Variants in MYO3B observed in about 807,000 individuals in gnomAD.
The protein encoded by MYO3B is myosin-IIIb.
A neutral mutation model predicts 174.6 loss-of-function variants in MYO3B; 156 were observed. The observed-to-expected ratio is 0.89, with a 90% CI of 0.78 to 1.02. MYO3B has a LOEUF of 1.02. MYO3B is among the 50% of genes least tolerant of loss of function. The pLI is 0.00. For synonymous variants in MYO3B, 563 were observed against 569.1 expected (o/e 0.99, Z 0.15); for missense variants, 1,632 against 1,639.4 (o/e 1.00, Z 0.08).
chr2:170,393,106 C>T (rs1415214926), intron 16 of MYO3B, among the ~76,000 whole-genome samples: 1 of 135,396 alleles, frequency 7.4e-6, no homozygotes. Flanking sequence ...TTTTTTGAGA[C>T]AGAATCTTAC....
chr2:170,509,506 A>T (rs1291268939), intron 28 of MYO3B, among the ~76,000 whole-genome samples: 1 of 152,248 alleles, frequency 6.6e-6, no homozygotes, highest in Admixed American at 6.5e-5. Flanking sequence ...CGTCTTGTTT[A>T]TTTGACAGGG....
At chr2:170,517,989 T>TTGTGTGTG (rs10606302) in intron 29 of MYO3B, among the ~76,000 whole-genome samples, 33 of 149,512 alleles carry the variant, frequency 2.2e-4, no homozygotes, top group African/African-American at 6.4e-4. Flanking sequence ...GCCATAATGT[T>TTGTGTGTG]TGTGTGTGTG....
At chr2:170,462,814 T>A (rs2105957765) in intron 23 of MYO3B, among the ~76,000 whole-genome samples, 1 of 152,340 alleles carries the variant, frequency 6.6e-6, no homozygotes, top group Middle Eastern at 3.4e-3. Context: ...GGATAGATAT[T>A]GAGAACAGGT....
At chr2:170,630,660 C>T (rs1696877474) in intron 32 of MYO3B, among the ~76,000 whole-genome samples, 1 of 152,212 alleles carries the variant, frequency 6.6e-6, no homozygotes, top group Admixed American at 6.5e-5. Flanking sequence ...GGCCGACTGA[C>T]ACCTCATACA....
At chr2:170,456,041 T>C (rs181752970) in intron 23 of MYO3B, among the ~76,000 whole-genome samples, 1 of 152,082 alleles carries the variant, frequency 6.6e-6, no homozygotes, top group East Asian at 1.9e-4. Context: ...AGAAAATGCA[T>C]ACAGATGTAT....
rs36000141 is a variant in MYO3B, at chr2:170,460,487, CAAAAA to C, written c.2731-2862_2731-2858del. Among the ~76,000 whole-genome samples, 9 of 73,682 alleles carry C rather than the reference CAAAAA, an allele frequency of 1.2e-4. 1 individual carries two copies. The highest frequency in any genetic ancestry group is 2.9e-4 in the African/African-American group (5 of 17,128). The allele number at this position is 73,682 out of a possible 152,430, so 48.3% of individuals were successfully genotyped here. On this transcript the variant is annotated intron_variant, in intron 23 of 34. Coordinates refer to ENST00000408978, the MANE Select transcript of MYO3B (RefSeq NM_138995.5). ...TAGGTGACAGAGTAAGACTCCGTCT[CAAAAA>C]AAAAAAAAAAAAAAAAAAGACATAT...
At chr2:170,530,257 G>C (rs969205680) in intron 30 of MYO3B, among the ~76,000 whole-genome samples, 1 of 152,154 alleles carries the variant, frequency 6.6e-6, no homozygotes, top group Non-Finnish European at 1.5e-5. Flanking sequence ...TGCTGTGCTT[G>C]GGAAATTAGA....
At chr2:170,228,564 G>T (rs947465954) in intron 6 of MYO3B, among the ~76,000 whole-genome samples, 1 of 152,202 alleles carries the variant, frequency 6.6e-6, no homozygotes, top group Admixed American at 6.5e-5. Context: ...AAGAATAAAT[G>T]ATCTGTTCCC....
At chr2:170,576,730 A>C (rs189952048) in intron 32 of MYO3B, among the ~76,000 whole-genome samples, 37 of 152,350 alleles carry the variant, frequency 2.4e-4, no homozygotes, top group African/African-American at 7.5e-4. Context: ...AATGGTCACA[A>C]AGCAATAGTT....
intron 32 of MYO3B, among the ~76,000 whole-genome samples, chr2:170,618,668 C>T (rs1695623733): frequency 6.6e-6 from 1 of 152,030 alleles, no homozygotes; most frequent in African/African-American, 2.4e-5. Flanking sequence ...CTTCTGGTCC[C>T]ATGGTGCCAA....
At chr2:170,620,920 G>A (rs1188283237) in intron 32 of MYO3B, among the ~76,000 whole-genome samples, 1 of 151,912 alleles carries the variant, frequency 6.6e-6, no homozygotes, top group African/African-American at 2.4e-5. Flanking sequence ...TTGGAGTCTT[G>A]CTCTGTCACC....
Position 170,236,171 on chromosome 2 carries a change from T to G in MYO3B, c.749+35T>G, listed in dbSNP as rs531629122. 567 of 1,613,776 alleles carry G rather than the reference T, an allele frequency of 3.5e-4. 7 individuals carry two copies. In the South Asian group the frequency reaches 5.9e-3, roughly 17 times the overall value. Reference sequence around the variant, plus strand: ...AAGATGGCGCTCTTGACTCATTAGTTCTTTGTGAAAGCGTCTGGTTAGAGG... The same window carrying G: ...AAGATGGCGCTCTTGACTCATTAGTGCTTTGTGAAAGCGTCTGGTTAGAGG... On this transcript the variant is annotated intron_variant, in intron 7 of 34. Transcript: ENST00000408978.
intron 27 of MYO3B, among the ~76,000 whole-genome samples, chr2:170,500,083 A>G (rs1352138450): frequency 1.3e-5 from 2 of 152,142 alleles, no homozygotes; most frequent in East Asian, 3.8e-4. Context: ...TAGGGGTGAA[A>G]GAAACTTTCT....
At chr2:170,483,375 C>CTTTTTTTTTTTTTTTTTTT (rs61527598) in intron 25 of MYO3B, among the ~76,000 whole-genome samples, 3 of 62,098 alleles carry the variant, frequency 4.8e-5, no homozygotes, top group Admixed American at 4.2e-4. Context: ...CTTGGGGATT[C>CTTTTTTTTTTTTTTTTTTT]TTTTTTTTTT....
At chr2:170,625,539 G>C (rs1696334828) in intron 32 of MYO3B, among the ~76,000 whole-genome samples, 1 of 152,054 alleles carries the variant, frequency 6.6e-6, no homozygotes, top group Admixed American at 6.5e-5. Flanking sequence ...AGGGTTTTTT[G>C]TGTCTCTATC....
At chr2:170,240,255 A>G (rs1047492621) in intron 7 of MYO3B, among the ~76,000 whole-genome samples, 3 of 152,190 alleles carry the variant, frequency 2.0e-5, no homozygotes, top group African/African-American at 7.2e-5. Context: ...TGTTTACCAC[A>G]TTCCCTGAGA....
At chr2:170,412,512 A>G (rs2094552236) in intron 22 of MYO3B, 2 of 152,198 alleles carry the variant, frequency 1.3e-5, no homozygotes, top group African/African-American at 4.8e-5. Context: ...AATCAACAAT[A>G]AAGTATCTGT....
chr2:170,624,527 T>A (rs1466398292), intron 32 of MYO3B, among the ~76,000 whole-genome samples: 3 of 152,198 alleles, frequency 2.0e-5, no homozygotes, highest in South Asian at 2.1e-4. Flanking sequence ...ACGATTTGAC[T>A]TCCTCTTTTC....
chr2:170,582,185 T>C (rs533728696), intron 32 of MYO3B, among the ~76,000 whole-genome samples: 19 of 152,340 alleles, frequency 1.2e-4, no homozygotes, highest in African/African-American at 3.8e-4. Context: ...TCATGATGGC[T>C]ACAGACGCAC....
Sources: gnomAD v4.1 joint callset for allele counts (sites outside exome capture counted in the v4.1 genomes callset) on GRCh38, gnomAD v4.1.1 for gene constraint, MANE v1.5 for transcripts, NCBI Gene and HGNC (gene_info 2026-07-23, HGNC 2026-07-21) for gene names.